LRRC7: variants seen among roughly 807,000 people sequenced by gnomAD.
LRRC7 encodes leucine rich repeat containing 7, also known as leucine-rich repeat-containing protein 7.
Under a neutral mutation model 175.7 loss-of-function variants are expected in LRRC7, and 23 were observed. The ratio of observed to expected loss-of-function variants is 0.13; its 90% CI spans 0.09 to 0.19. The LOEUF (loss-of-function observed/expected upper bound fraction) is 0.19. Among genes scored for constraint, LRRC7 ranks in the 10% least tolerant of loss-of-function variants. The pLI is 1.00. For synonymous variants in LRRC7, 685 were observed against 680.9 expected (o/e 1.01, Z -0.09); for missense variants, 1,354 against 1,904.7 (o/e 0.71, Z 5.38).
intron 4 of LRRC7, among the ~76,000 whole-genome samples, chr1:69,824,460 T>C (rs1231179691): frequency 6.6e-6 from 1 of 152,106 alleles, no homozygotes; most frequent in Admixed American, 6.6e-5. Context: ...CCCAAACTTT[T>C]GGAGGCTCTT....
In LRRC7 at chr1:69,984,214, G is replaced by A. The variant is rs534670458; in HGVS notation, c.787-2028G>A. 1.1e-4 allele frequency among the ~76,000 whole-genome samples: 17 copies of A among 152,218 alleles called. No individual in the cohort carries two copies. The South Asian group carries it at 1.5e-3, about 13-fold the overall frequency. ...GCTGGGATTACAGGCGTGAGCCACC[G>A]CGCCCAGCAGAGATTATACATTTCT... is the stretch of plus-strand genomic sequence containing the variant. On this transcript the variant is annotated intron_variant, in intron 9 of 26. Coordinates refer to ENST00000651989, the MANE Select transcript of LRRC7 (RefSeq NM_001370785.2).
chr1:69,654,461 G>C (rs957257550), intron 1 of LRRC7, among the ~76,000 whole-genome samples: 3 of 151,912 alleles, frequency 2.0e-5, no homozygotes, highest in Non-Finnish European at 4.4e-5. Context: ...ATTCCTGATA[G>C]AGCCTTGCTT....
intron 5 of LRRC7, among the ~76,000 whole-genome samples, chr1:69,831,709 A>G (rs1039051718): frequency 6.6e-6 from 1 of 152,136 alleles, no homozygotes; most frequent in Non-Finnish European, 1.5e-5. Flanking sequence ...CTATGAAATC[A>G]TATCCACAGA....
intron 3 of LRRC7, among the ~76,000 whole-genome samples, chr1:69,787,889 C>A (rs993570304): frequency 3.3e-5 from 5 of 152,048 alleles, no homozygotes; most frequent in Admixed American, 2.0e-4. Flanking sequence ...GGGGACACAG[C>A]CAGACTATAT....
chr1:69,658,463 G>C (rs918822364), intron 1 of LRRC7, among the ~76,000 whole-genome samples: 1 of 151,944 alleles, frequency 6.6e-6, no homozygotes, highest in Non-Finnish European at 1.5e-5. Context: ...TTAGGAAGTA[G>C]CTAGAAGCTA....
intron 1 of LRRC7, among the ~76,000 whole-genome samples, chr1:69,655,012 G>A (rs7512342): frequency 0.089 from 13,575 of 151,966 alleles, 630 homozygotes; most frequent in African/African-American, 0.12. Context: ...CCCTAAGCTG[G>A]TGCAATGTTC....
At chr1:70,068,045 T>G (rs1014399820) in intron 23 of LRRC7, among the ~76,000 whole-genome samples, 6 of 152,144 alleles carry the variant, frequency 3.9e-5, no homozygotes, top group Admixed American at 1.3e-4. Context: ...CTAGACAGTG[T>G]CATCGTAAAT....
chr1:70,058,276 C>G (rs1484336313), intron 23 of LRRC7, among the ~76,000 whole-genome samples: 1 of 152,152 alleles, frequency 6.6e-6, no homozygotes, highest in Non-Finnish European at 1.5e-5. Context: ...TCCCAAAGTG[C>G]TGGGATTATA....
At chr1:69,792,518 C>T (rs1675244261) in intron 4 of LRRC7, among the ~76,000 whole-genome samples, 1 of 151,994 alleles carries the variant, frequency 6.6e-6, no homozygotes, top group African/African-American at 2.4e-5. Flanking sequence ...CCTACCTGTT[C>T]ACCCTATTTG....
At chr1:69,813,734 G>A (rs1678243284) in intron 4 of LRRC7, among the ~76,000 whole-genome samples, 1 of 152,060 alleles carries the variant, frequency 6.6e-6, no homozygotes, top group South Asian at 2.1e-4. Context: ...GGTCTCCAGG[G>A]AAATCAAAAG....
At chr1:69,911,240 A>G (rs1219987001) in intron 7 of LRRC7, among the ~76,000 whole-genome samples, 1 of 152,186 alleles carries the variant, frequency 6.6e-6, no homozygotes, top group Non-Finnish European at 1.5e-5. Flanking sequence ...CCCTAGTGAG[A>G]TGAACCCAGT....
chr1:69,637,439 G>A (rs1376360821), intron 1 of LRRC7, among the ~76,000 whole-genome samples: 1 of 151,800 alleles, frequency 6.6e-6, no homozygotes, highest in Admixed American at 6.6e-5. Flanking sequence ...AGCAATACAA[G>A]ACTGCTAGTT....
chr1:69,825,604 T>C (rs1679815585), intron 4 of LRRC7, 144 bp from the exon 5 acceptor site: 1 of 391,424 alleles, frequency 2.6e-6, no homozygotes, highest in Non-Finnish European at 4.7e-6. Context: ...TATTAAGTTT[T>C]TATTTCTACT....
chr1:70,055,433 T>C (rs1294820610), intron 23 of LRRC7, among the ~76,000 whole-genome samples: 1 of 152,130 alleles, frequency 6.6e-6, no homozygotes. Flanking sequence ...GTTAGGAAGA[T>C]TCTATAGTAA....
At position 70,039,338 on chromosome 1, in the gene LRRC7, C is replaced by T; in HGVS notation, c.3514C>T (p.Pro1172Ser). ...EMAMFRRVNE[P>S]HELPPTDRYG... ...GGCCATGTTTAGAAGGGTCAATGAG[C>T]CTCATGAGCTGCCCCCAACTGATAG... Residue 1172 changes from proline (P) to serine (S), a missense_variant, in exon 21 of 27, where the codon CCT becomes TCT. Transcript: ENST00000651989. 1.2e-6 allele frequency: 2 copies of T among 1,614,032 alleles called. No individual in the cohort carries two copies. Among genetic ancestry groups the T allele is most frequent in the Non-Finnish European group, 1.7e-6 (2 of 1,180,010 alleles).
intron 2 of LRRC7, among the ~76,000 whole-genome samples, chr1:69,735,634 T>A (rs557008784): frequency 6.6e-6 from 1 of 152,254 alleles, no homozygotes; most frequent in African/African-American, 2.4e-5. Flanking sequence ...GTGAATACCC[T>A]GACTCTAACA....
chr1:69,756,765 T>C (rs1033602045), intron 2 of LRRC7, among the ~76,000 whole-genome samples: 1 of 151,450 alleles, frequency 6.6e-6, no homozygotes, highest in African/African-American at 2.4e-5. Context: ...AGAAAGAAAA[T>C]GACATGGGGT....
intron 7 of LRRC7, among the ~76,000 whole-genome samples, chr1:69,891,371 T>C (rs1645827868): frequency 6.6e-6 from 1 of 152,200 alleles, no homozygotes; most frequent in African/African-American, 2.4e-5. Flanking sequence ...TCAAATTAAC[T>C]TTTCCATCTT....
intron 7 of LRRC7, among the ~76,000 whole-genome samples, chr1:69,927,005 G>T (rs1416966178): frequency 6.6e-6 from 1 of 152,112 alleles, no homozygotes; most frequent in Non-Finnish European, 1.5e-5. Context: ...CAGGCCTGGT[G>T]GTGACAAAAT....
Sources: gnomAD v4.1 joint callset for allele counts (sites outside exome capture counted in the v4.1 genomes callset) on GRCh38, gnomAD v4.1.1 for gene constraint, MANE v1.5 for transcripts, NCBI Gene and HGNC (gene_info 2026-07-23, HGNC 2026-07-21) for gene names.